GRM5: variants seen among roughly 807,000 people sequenced by gnomAD.
GRM5 encodes metabotropic glutamate receptor 5.
Under a neutral mutation model 83.1 loss-of-function variants are expected in GRM5, and 19 were observed. The observed-to-expected ratio is 0.23, with a 90% CI of 0.16 to 0.34. The LOEUF is 0.34. GRM5 is among the 10% of genes least tolerant of loss of function. The pLI is 1.00. For missense variants in GRM5, 1,160 were observed against 1,588.3 expected, an observed-to-expected ratio of 0.73 and a Z score of 4.58; for synonymous variants, 675 against 633.6, an observed-to-expected ratio of 1.07 and a Z score of -0.98.
At chr11:89,057,184 C>T (rs1371101856) in intron 1 of GRM5, among the ~76,000 whole-genome samples, 2 of 152,130 alleles carry the variant, frequency 1.3e-5, no homozygotes, top group Non-Finnish European at 2.9e-5. Flanking sequence ...TCTGCCTGAT[C>T]AGTGGCCTCA....
chr11:88,654,035 C>T (rs1339022844), intron 3 of GRM5, among the ~76,000 whole-genome samples: 1 of 151,994 alleles, frequency 6.6e-6, no homozygotes, highest in Non-Finnish European at 1.5e-5. Flanking sequence ...CTCTAAAATA[C>T]ATTAAAAATG....
chr11:88,742,147 T>A (rs1046145105), intron 3 of GRM5, among the ~76,000 whole-genome samples: 1 of 151,988 alleles, frequency 6.6e-6, no homozygotes, highest in African/African-American at 2.4e-5. Context: ...ATAATAGGGA[T>A]TAGAGCTGCA....
intron 2 of GRM5, among the ~76,000 whole-genome samples, chr11:88,926,813 G>C (rs559918252): frequency 6.6e-6 from 1 of 151,992 alleles, no homozygotes; most frequent in African/African-American, 2.4e-5. Context: ...ATTGTTTATC[G>C]CACACCTAGA....
chr11:88,578,744 C>T (rs944135250), intron 7 of GRM5, among the ~76,000 whole-genome samples: 2 of 151,836 alleles, frequency 1.3e-5, no homozygotes, highest in Admixed American at 6.6e-5. Flanking sequence ...AGTAAGAAGG[C>T]ATTTTAGAAT....
chr11:88,912,397 G>C (rs1464098527), intron 2 of GRM5, among the ~76,000 whole-genome samples: 1 of 151,428 alleles, frequency 6.6e-6, no homozygotes, highest in Non-Finnish European at 1.5e-5. Context: ...GCTCTCATCT[G>C]GTCTTGGCTT....
intron 2 of GRM5, among the ~76,000 whole-genome samples, chr11:89,013,554 AT>A (rs1355066175): frequency 6.6e-6 from 1 of 152,154 alleles, no homozygotes; most frequent in Non-Finnish European, 1.5e-5. Context: ...ACACCTGACA[AT>A]TCTGTGTATT....
chr11:88,824,096 G>A (rs924505188), intron 3 of GRM5, among the ~76,000 whole-genome samples: 1 of 151,990 alleles, frequency 6.6e-6, no homozygotes, highest in African/African-American at 2.4e-5. Context: ...TAAAATTTGT[G>A]TTGCTATCAT....
chr11:88,757,144 A>C (rs11021195), intron 3 of GRM5, among the ~76,000 whole-genome samples: 4,742 of 152,232 alleles, frequency 0.031, 216 homozygotes, highest in African/African-American at 0.096. Flanking sequence ...ATACATTCAA[A>C]GCAGTCAAAG....
At chr11:88,733,044 C>A (rs113404018) in intron 3 of GRM5, among the ~76,000 whole-genome samples, 4 of 152,104 alleles carry the variant, frequency 2.6e-5, no homozygotes, top group African/African-American at 9.6e-5. Context: ...ATAGACATGA[C>A]CCAATAAATC....
chr11:88,632,246 A>C (rs888991771), intron 4 of GRM5, among the ~76,000 whole-genome samples: 1 of 94,268 alleles, frequency 1.1e-5, no homozygotes, highest in East Asian at 2.8e-4. Flanking sequence ...CACAGTATGT[A>C]CTTTTTTTTT....
At chr11:88,817,096 C>T (rs910625969) in intron 3 of GRM5, among the ~76,000 whole-genome samples, 9 of 152,118 alleles carry the variant, frequency 5.9e-5, no homozygotes, top group African/African-American at 2.2e-4. Flanking sequence ...TTATTAAATA[C>T]ATAATTAAAC....
intron 7 of GRM5, among the ~76,000 whole-genome samples, chr11:88,581,121 A>G (rs1006585866): frequency 2.6e-5 from 4 of 152,128 alleles, no homozygotes; most frequent in Non-Finnish European, 5.9e-5. Context: ...TCAATAAATA[A>G]ATAAATTTAA....
chr11:88,927,641 A>C (rs2135640806), intron 2 of GRM5, among the ~76,000 whole-genome samples: 1 of 152,242 alleles, frequency 6.6e-6, no homozygotes, highest in African/African-American at 2.4e-5. Context: ...CTCTGGAGGA[A>C]GATCATGCTT....
chr11:88,636,994 C>T (rs998957854), intron 4 of GRM5, among the ~76,000 whole-genome samples: 2 of 152,128 alleles, frequency 1.3e-5, no homozygotes, highest in Non-Finnish European at 1.5e-5. Context: ...GTGATGCCTC[C>T]AGCCTTGTTC....
intron 3 of GRM5, among the ~76,000 whole-genome samples, chr11:88,817,445 A>G (rs1051443087): frequency 4.6e-5 from 7 of 152,072 alleles, no homozygotes; most frequent in African/African-American, 1.7e-4. Flanking sequence ...AACCCTGAAA[A>G]ATTATTTTCC....
chr11:88,888,469 G>A (rs987426051), intron 2 of GRM5, among the ~76,000 whole-genome samples: 4 of 152,054 alleles, frequency 2.6e-5, no homozygotes, highest in Non-Finnish European at 5.9e-5. Context: ...ACTCTTCTAT[G>A]GTGTTTTTCC....
At chr11:88,997,801 T>C (rs1050284369) in intron 2 of GRM5, among the ~76,000 whole-genome samples, 3 of 152,108 alleles carry the variant, frequency 2.0e-5, no homozygotes, top group Non-Finnish European at 4.4e-5. Context: ...ATTAATAACA[T>C]TGACTTTATA....
intron 3 of GRM5, among the ~76,000 whole-genome samples, chr11:88,772,871 C>T (rs1942769566): frequency 6.6e-6 from 1 of 152,072 alleles, no homozygotes; most frequent in African/African-American, 2.4e-5. Context: ...TGGGTTGGTT[C>T]CAAGTCTTTG....
At chr11:88,880,729 G>C (rs1005131954) in intron 2 of GRM5, among the ~76,000 whole-genome samples, 14 of 152,150 alleles carry the variant, frequency 9.2e-5, no homozygotes, top group Admixed American at 7.9e-4. Flanking sequence ...TAAGCAAATA[G>C]AATGTTTTAA....
Sources: allele counts gnomAD v4.1 joint callset (sites outside exome capture counted in the v4.1 genomes callset), GRCh38; gene constraint gnomAD v4.1.1; transcripts MANE v1.5; gene names NCBI Gene and HGNC (gene_info 2026-07-23, HGNC 2026-07-21).